The following CTNNA3 variants were observed in gnomAD, a reference collection of about 807,000 sequenced individuals.
CTNNA3 encodes catenin alpha 3, also known as catenin alpha-3.
Under a neutral mutation model 95.7 loss-of-function variants are expected in CTNNA3, and 76 were observed. The ratio of observed to expected loss-of-function variants is 0.79; its 90% CI spans 0.66 to 0.96. CTNNA3 has a LOEUF of 0.96. CTNNA3 is among the 40% of genes least tolerant of loss of function. The pLI, the probability that CTNNA3 is intolerant of heterozygous loss-of-function variation, is 0.00. For synonymous variants in CTNNA3, 431 were observed against 374.4 expected, an observed-to-expected ratio of 1.15 and a Z score of -1.74; for missense variants, 1,191 against 1,089.8, an observed-to-expected ratio of 1.09 and a Z score of -1.31.
chr10:66,680,335 G>A (rs1847024260), intron 9 of CTNNA3, among the ~76,000 whole-genome samples: 1 of 151,892 alleles, frequency 6.6e-6, no homozygotes, highest in South Asian at 2.1e-4. Flanking sequence ...TGGCCAGTGA[G>A]CCTTATTCTT....
chr10:66,004,972 C>T (rs1015466813), intron 15 of CTNNA3, among the ~76,000 whole-genome samples: 6 of 152,138 alleles, frequency 3.9e-5, no homozygotes, highest in African/African-American at 1.2e-4. Flanking sequence ...TTTCACTAGG[C>T]TAAAGGGAAG....
At chr10:66,606,428 T>A (rs1030766971) in intron 10 of CTNNA3, among the ~76,000 whole-genome samples, 3 of 152,090 alleles carry the variant, frequency 2.0e-5, no homozygotes, top group Non-Finnish European at 4.4e-5. Context: ...CTGAGAGACA[T>A]CTACAGAACT....
At chr10:67,087,403 C>T (rs1857364509) in intron 7 of CTNNA3, among the ~76,000 whole-genome samples, 1 of 151,878 alleles carries the variant, frequency 6.6e-6, no homozygotes, top group Non-Finnish European at 1.5e-5. Flanking sequence ...GTACACATAA[C>T]ATTTTGCAAT....
At chr10:66,850,622 CA>C (rs1472436234) in intron 7 of CTNNA3, among the ~76,000 whole-genome samples, 1 of 151,360 alleles carries the variant, frequency 6.6e-6, no homozygotes, top group African/African-American at 2.4e-5. Context: ...TTCTTAATAC[CA>C]TTGTATTTTG....
Position 67,741,072 on chromosome 10 carries a change from C to T in CTNNA3, c.-2+22362G>A, listed in dbSNP as rs1370125200. ...ACTATCGCAAGAACAAAAAAACAAACACCGCATATTCTCACTCATAGGTGG... is the reference window on the plus strand; with the variant it reads ...ACTATCGCAAGAACAAAAAAACAAATACCGCATATTCTCACTCATAGGTGG... On this transcript the variant is annotated intron_variant, in intron 1 of 17. Coordinates refer to the CTNNA3 transcript ENST00000684154. Among the ~76,000 whole-genome samples, 3 of 150,908 alleles carry T rather than the reference C, an allele frequency of 2.0e-5. 1 individual carries two copies. The highest frequency in any genetic ancestry group is 4.4e-5 in the Non-Finnish European group (3 of 67,648).
intron 15 of CTNNA3, among the ~76,000 whole-genome samples, chr10:66,009,138 G>T (rs2078956403): frequency 6.6e-6 from 1 of 151,938 alleles, no homozygotes. Context: ...TAGTCTTCTT[G>T]ATAACTAATT....
intron 5 of CTNNA3, among the ~76,000 whole-genome samples, chr10:67,467,962 C>A (rs1001717972): frequency 4.6e-5 from 7 of 151,632 alleles, no homozygotes; most frequent in African/African-American, 1.7e-4. Context: ...CTGCCATCCT[C>A]AGACTCCCAA....
At chr10:65,971,383 T>TG (rs1026990227) in intron 16 of CTNNA3, among the ~76,000 whole-genome samples, 15 of 150,152 alleles carry the variant, frequency 1.0e-4, no homozygotes, top group South Asian at 8.4e-4. Flanking sequence ...AGTTGTGTTT[T>TG]TTTTTTTTTT....
intron 15 of CTNNA3, among the ~76,000 whole-genome samples, chr10:66,033,036 T>G (rs2079479971): frequency 1.3e-5 from 2 of 152,182 alleles, no homozygotes; most frequent in Admixed American, 6.5e-5. Flanking sequence ...CTCGACATGT[T>G]CATCTCATCC....
At chr10:67,306,547 A>T (rs1246085168) in intron 5 of CTNNA3, among the ~76,000 whole-genome samples, 1 of 152,154 alleles carries the variant, frequency 6.6e-6, no homozygotes, top group East Asian at 1.9e-4. Context: ...AGGACCATAA[A>T]CCTCAGGAAC....
chr10:66,932,596 C>A (rs1847465418), intron 7 of CTNNA3, among the ~76,000 whole-genome samples: 2 of 151,926 alleles, frequency 1.3e-5, no homozygotes, highest in African/African-American at 4.8e-5. Context: ...ACAATGAGCA[C>A]AACAGAATAT....
chr10:66,491,287 T>C (rs893253857), intron 11 of CTNNA3, among the ~76,000 whole-genome samples: 5 of 152,168 alleles, frequency 3.3e-5, no homozygotes, highest in Non-Finnish European at 7.4e-5. Flanking sequence ...ACATATTTGA[T>C]AAGGCCTATT....
intron 5 of CTNNA3, among the ~76,000 whole-genome samples, chr10:67,372,705 A>G (rs1237644112): frequency 2.0e-5 from 3 of 152,178 alleles, no homozygotes; most frequent in Admixed American, 2.0e-4. Flanking sequence ...TGAAGGAAAA[A>G]ATGTTAAGGG....
At chr10:66,882,514 A>G (rs1844887197) in intron 7 of CTNNA3, among the ~76,000 whole-genome samples, 1 of 152,168 alleles carries the variant, frequency 6.6e-6, no homozygotes, top group South Asian at 2.1e-4. Context: ...CAATGGCACC[A>G]TGCATTGACG....
chr10:66,076,323 C>T (rs1564620397), intron 14 of CTNNA3, among the ~76,000 whole-genome samples: 1 of 151,462 alleles, frequency 6.6e-6, no homozygotes, highest in Non-Finnish European at 1.5e-5. Flanking sequence ...AAAATTCAAC[C>T]TAATTAAAAT....
rs181183523 is a variant in CTNNA3, at chr10:66,167,146, G to A, written c.1885-63897C>T. On this transcript the variant is annotated intron_variant, in intron 13 of 17. Coordinates refer to ENST00000433211, the MANE Select transcript of CTNNA3 (RefSeq NM_013266.4). Reference sequence around the variant, plus strand: ...AGAAAGAAAAGGTACCATGAAATAAGAGAAAGGGACATAGGACACTGTGCT... The same window carrying A: ...AGAAAGAAAAGGTACCATGAAATAAAAGAAAGGGACATAGGACACTGTGCT... 1.4e-3 allele frequency among the ~76,000 whole-genome samples: 214 copies of A among 152,204 alleles called. 2 individuals are homozygous for A. Among genetic ancestry groups the A allele is most frequent in the African/African-American group, 4.9e-3 (204 of 41,528 alleles).
chr10:65,957,814 T>C (rs987370145), intron 17 of CTNNA3, among the ~76,000 whole-genome samples: 1 of 152,160 alleles, frequency 6.6e-6, no homozygotes, highest in Non-Finnish European at 1.5e-5. Flanking sequence ...TGGTTGCCCT[T>C]AATTTTTTCC....
intron 17 of CTNNA3, among the ~76,000 whole-genome samples, chr10:65,942,593 C>A (rs751968559): frequency 3.3e-5 from 5 of 152,154 alleles, no homozygotes; most frequent in Non-Finnish European, 5.9e-5. Context: ...TTCATTGCCT[C>A]TTTTCTTTCT....
intron 13 of CTNNA3, among the ~76,000 whole-genome samples, chr10:66,269,048 T>C (rs546550541): frequency 2.6e-5 from 4 of 152,340 alleles, no homozygotes; most frequent in Admixed American, 2.0e-4. Flanking sequence ...TTATTCTAAC[T>C]ACTACAAAAA....
Sources: allele counts gnomAD v4.1 joint callset (sites outside exome capture counted in the v4.1 genomes callset), GRCh38; gene constraint gnomAD v4.1.1; transcripts MANE v1.5; gene names NCBI Gene and HGNC (gene_info 2026-07-23, HGNC 2026-07-21).